RAB38: variants seen among roughly 807,000 people sequenced by gnomAD.
RAB38 encodes ras-related protein Rab-38.
Under a neutral mutation model 18.4 loss-of-function variants are expected in RAB38, and 15 were observed. The observed-to-expected ratio is 0.82, with a 90% CI of 0.55 to 1.26. The LOEUF is 1.26. Ranked by LOEUF, RAB38 falls within the 50% of genes most tolerant of loss-of-function variation. The pLI is 0.00. For synonymous variants in RAB38, 101 were observed against 104.4 expected (o/e 0.97, Z 0.20); for missense variants, 294 against 267.4 (o/e 1.10, Z -0.69).
At chr11:87,820,999 G>C in the RAB38 span, among the ~76,000 whole-genome samples, 1 of 152,142 alleles carries the variant, frequency 6.6e-6, no homozygotes, top group Non-Finnish European at 1.5e-5. Flanking sequence ...ATGGATGTTG[G>C]AGTAAGACAA....
chr11:88,078,965 A>G, the RAB38 span, among the ~76,000 whole-genome samples: 1 of 151,994 alleles, frequency 6.6e-6, no homozygotes, highest in African/African-American at 2.4e-5. Context: ...TTTTATATGA[A>G]CATGTTAAAT....
the RAB38 span, among the ~76,000 whole-genome samples, chr11:88,017,909 C>T: frequency 1.3e-4 from 19 of 151,896 alleles, no homozygotes; most frequent in Middle Eastern, 3.4e-3. Context: ...GGGGACATGT[C>T]TTTCCCATGC....
chr11:88,160,534 T>C (rs776696298), intron 1 of RAB38, among the ~76,000 whole-genome samples: 7 of 152,116 alleles, frequency 4.6e-5, no homozygotes, highest in Non-Finnish European at 1.0e-4. Flanking sequence ...TGCACTCACA[T>C]GTTCATTGCA....
chr11:88,074,089 G>A, the RAB38 span, among the ~76,000 whole-genome samples: 1 of 151,446 alleles, frequency 6.6e-6, no homozygotes, highest in Non-Finnish European at 1.5e-5. Flanking sequence ...TTAAGAGAGA[G>A]TTGAGCAAGA....
chr11:88,044,338 G>A, the RAB38 span, among the ~76,000 whole-genome samples: 17 of 152,114 alleles, frequency 1.1e-4, no homozygotes, highest in Middle Eastern at 3.4e-3. Context: ...TTCCTGGGGG[G>A]CAAGCACCCC....
chr11:88,054,539 G>A, the RAB38 span, among the ~76,000 whole-genome samples: 4 of 152,162 alleles, frequency 2.6e-5, no homozygotes, highest in African/African-American at 9.7e-5. Flanking sequence ...CAGCTCATCT[G>A]GGATTTAGTA....
the RAB38 span, among the ~76,000 whole-genome samples, chr11:87,822,163 AT>A: frequency 1.3e-5 from 2 of 152,122 alleles, no homozygotes; most frequent in Non-Finnish European, 2.9e-5. Context: ...GAAAAAAAAA[AT>A]GTCATCCAGG....
the RAB38 span, among the ~76,000 whole-genome samples, chr11:88,043,863 A>C: frequency 2.0e-5 from 3 of 151,484 alleles, no homozygotes; most frequent in East Asian, 3.9e-4. Flanking sequence ...CTCTCCTCCT[A>C]CTCTTTGCTC....
chr11:88,069,266 T>A, the RAB38 span, among the ~76,000 whole-genome samples: 3 of 152,200 alleles, frequency 2.0e-5, no homozygotes, highest in African/African-American at 7.2e-5. Context: ...GAATTCTTGC[T>A]GGGCCTCAGC....
At chr11:87,874,241 G>A in the RAB38 span, among the ~76,000 whole-genome samples, 3 of 151,020 alleles carry the variant, frequency 2.0e-5, no homozygotes, top group Admixed American at 6.6e-5. Context: ...ATTGTGTGAA[G>A]TACCATTGTT....
At chr11:88,060,658 G>A in the RAB38 span, among the ~76,000 whole-genome samples, 2 of 152,204 alleles carry the variant, frequency 1.3e-5, no homozygotes, top group African/African-American at 4.8e-5. Context: ...CACATTTGGG[G>A]CCAGATAATT....
the RAB38 span, among the ~76,000 whole-genome samples, chr11:87,837,301 T>C: frequency 6.6e-6 from 1 of 152,182 alleles, no homozygotes; most frequent in African/African-American, 2.4e-5. Flanking sequence ...GTGTGTGAGC[T>C]CCATGAGGGT....
the RAB38 span, among the ~76,000 whole-genome samples, chr11:87,814,609 G>C: frequency 6.6e-6 from 1 of 152,158 alleles, no homozygotes; most frequent in Non-Finnish European, 1.5e-5. Flanking sequence ...GGGTGTTGAT[G>C]GTGAAGCAGG....
chr11:87,821,987 GAAA>G, the RAB38 span, among the ~76,000 whole-genome samples: 3 of 152,040 alleles, frequency 2.0e-5, no homozygotes, highest in Admixed American at 1.3e-4. Flanking sequence ...CTTAGCAGGT[GAAA>G]AAAACTGATT....
the RAB38 span, among the ~76,000 whole-genome samples, chr11:87,963,583 AGTTAAAACATCAT>A: frequency 2.0e-5 from 3 of 152,154 alleles, no homozygotes; most frequent in Non-Finnish European, 4.4e-5. Context: ...ATACAAGCAG[AGTTAAAACATCAT>A]GTTAAATTCC....
At chr11:87,968,502 T>C in the RAB38 span, among the ~76,000 whole-genome samples, 1 of 152,152 alleles carries the variant, frequency 6.6e-6, no homozygotes, top group Admixed American at 6.6e-5. Flanking sequence ...TAAACATCTT[T>C]CCATAGAATG....
the RAB38 span, among the ~76,000 whole-genome samples, chr11:88,055,917 C>G: frequency 6.6e-6 from 1 of 152,128 alleles, no homozygotes; most frequent in South Asian, 2.1e-4. Context: ...ATGAATACAA[C>G]TTGTTTAGTT....
At chr11:88,098,111 A>AT in the RAB38 span, 1 of 151,926 alleles carries the variant, frequency 6.6e-6, no homozygotes, top group African/African-American at 2.4e-5. Context: ...ACATAAATAA[A>AT]TAAATAGAGT....
At chr11:88,010,608 T>A in the RAB38 span, among the ~76,000 whole-genome samples, 3 of 152,174 alleles carry the variant, frequency 2.0e-5, no homozygotes, top group African/African-American at 7.2e-5. Flanking sequence ...TTGAATAGAA[T>A]CATGGAGTAA....
Sources: gnomAD v4.1 joint callset for allele counts (sites outside exome capture counted in the v4.1 genomes callset) on GRCh38, gnomAD v4.1.1 for gene constraint, MANE v1.5 for transcripts, NCBI Gene and HGNC (gene_info 2026-07-23, HGNC 2026-07-21) for gene names.